The following FEZ2 variants were observed in gnomAD, a reference collection of about 807,000 sequenced individuals.
The protein encoded by FEZ2 is fasciculation and elongation protein zeta 2, also known as fasciculation and elongation protein zeta-2.
A neutral mutation model predicts 40.4 loss-of-function variants in FEZ2; 51 were observed. The ratio of observed to expected loss-of-function variants is 1.26; its 90% CI spans 1.01 to 1.59. The LOEUF (loss-of-function observed/expected upper bound fraction) is 1.59, where lower values mean the gene tolerates loss of function less well. FEZ2 is among the 40% of genes most tolerant of loss of function. FEZ2 has a pLI of 0.00. For missense variants in FEZ2, 640 were observed against 438.3 expected, an observed-to-expected ratio of 1.46 and a Z score of -4.11; for synonymous variants, 242 against 172.0, an observed-to-expected ratio of 1.41 and a Z score of -3.18.
intron 7 of FEZ2, 29 bp downstream of exon 7, chr2:36,555,654 C>T: frequency 7.3e-7 from 1 of 1,375,846 alleles, no homozygotes; most frequent in Non-Finnish European, 1.0e-6. Context: ...ACCTCCCAGC[C>T]ATCGCACCTA....
At chr2:36,573,159 T>A (rs2125230191) in intron 5 of FEZ2, among the ~76,000 whole-genome samples, 1 of 152,286 alleles carries the variant, frequency 6.6e-6, no homozygotes, top group Non-Finnish European at 1.5e-5. Context: ...CAGAAAAGAC[T>A]ATCGATTCCT....
intron 7 of FEZ2, among the ~76,000 whole-genome samples, chr2:36,553,582 G>C (rs887123961): frequency 2.0e-5 from 3 of 152,168 alleles, no homozygotes; most frequent in Non-Finnish European, 4.4e-5. Context: ...TTCAGAATCA[G>C]CCTTGGGTAC....
Position 36,553,044 on chromosome 2 carries a change from A to T in FEZ2, c.*119T>A. 1 of 804,486 alleles carries T rather than the reference A, an allele frequency of 1.2e-6. No homozygotes were observed. The highest frequency in any genetic ancestry group is 2.1e-6 in the Non-Finnish European group (1 of 483,274). 49.8% of individuals were successfully genotyped at this position (804,486 alleles called of 1,614,324 possible). ...TGTAGTCAAGATCTGTTAATACTGA[A>T]TCAAACCCAAGTTCAAATGTGCTGA... On this transcript the variant is annotated 3_prime_UTR_variant, in exon 8 of 8. Coordinates refer to ENST00000405912, the MANE Select transcript of FEZ2 (RefSeq NM_005102.3).
chr2:36,576,164 C>T (rs577135919), intron 5 of FEZ2, among the ~76,000 whole-genome samples: 3 of 152,164 alleles, frequency 2.0e-5, no homozygotes, highest in African/African-American at 7.2e-5. Flanking sequence ...ATCCAACTGC[C>T]TATTTCACTT....
At chr2:36,565,032 T>A (rs1668197813) in intron 5 of FEZ2, among the ~76,000 whole-genome samples, 1 of 152,210 alleles carries the variant, frequency 6.6e-6, no homozygotes, top group Admixed American at 6.5e-5. Flanking sequence ...AAGATTTACA[T>A]ACCTCCCTTT....
intron 3 of FEZ2, 140 bp from the exon 4 acceptor site, chr2:36,581,571 C>G: frequency 1.5e-6 from 1 of 671,504 alleles, no homozygotes. Flanking sequence ...TGTGGATGCT[C>G]CAAATAATCA....
At chr2:36,579,992 G>A (rs998388630) in intron 4 of FEZ2, among the ~76,000 whole-genome samples, 1 of 152,124 alleles carries the variant, frequency 6.6e-6, no homozygotes, top group Admixed American at 6.5e-5. Flanking sequence ...GGACACAGTA[G>A]GAAGACCACG....
rs994114672 is a variant in FEZ2 at position 36,555,967 on chromosome 2, T to A, written c.980-219A>T. 8 of 663,042 alleles carry A rather than the reference T, an allele frequency of 1.2e-5. No homozygotes were observed. In the Admixed American group the frequency reaches 1.3e-4, roughly 10 times the overall value. 41.1% of individuals were successfully genotyped at this position (663,042 alleles called of 1,614,324 possible). A position where few individuals can be genotyped will look rare whatever the true frequency, so the allele number is the denominator to read the frequency against. On this transcript the variant is annotated intron_variant, in intron 6 of 7. Coordinates refer to ENST00000405912, the MANE Select transcript of FEZ2 (RefSeq NM_005102.3). ...CAAGAATTTATTTTCGGTAAGAATA[T>A]CCCACTTACCTGAGAGTTGCTTCCC...
Position 36,553,158 on chromosome 2 carries a change from C to A in FEZ2, c.*5G>T. The A allele has an allele frequency of 1.9e-6, 3 of 1,566,354 alleles. No individual in the cohort carries two copies. The highest frequency in any genetic ancestry group is 2.6e-6 in the Non-Finnish European group (3 of 1,153,764). ...TTGGAGCCCACCGCAGATAAAGTTG[C>A]TGCTCTATGTAGGACACAGAACTAG... On this transcript the variant is annotated 3_prime_UTR_variant, in exon 8 of 8. Transcript: ENST00000405912.
intron 2 of FEZ2, among the ~76,000 whole-genome samples, chr2:36,583,732 G>T (rs848618): frequency 0.081 from 12,399 of 152,152 alleles, 1,071 homozygotes; most frequent in East Asian, 0.22. Context: ...AAAAAAATAC[G>T]GTATTCATTA....
intron 5 of FEZ2, among the ~76,000 whole-genome samples, chr2:36,560,448 A>G (rs529224816): frequency 6.6e-6 from 1 of 152,326 alleles, no homozygotes; most frequent in African/African-American, 2.4e-5. Flanking sequence ...AGAGTCACAT[A>G]TTTTAGTTTA....
intron 4 of FEZ2, among the ~76,000 whole-genome samples, chr2:36,579,281 A>C (rs1489000809): frequency 6.6e-6 from 1 of 152,262 alleles, no homozygotes; most frequent in Non-Finnish European, 1.5e-5. Flanking sequence ...GATATCTCTG[A>C]ACAGGAAAGG....
intron 1 of FEZ2, 83 bp downstream of exon 1, chr2:36,597,794 G>C (rs1266244285): frequency 9.8e-6 from 10 of 1,022,398 alleles, no homozygotes; most frequent in Non-Finnish European, 1.1e-5. Context: ...AGGGCGCAGG[G>C]AGGAGCTGCG....
chr2:36,593,201 G>A (rs1044596210), intron 1 of FEZ2, among the ~76,000 whole-genome samples: 7 of 152,204 alleles, frequency 4.6e-5, no homozygotes, highest in African/African-American at 1.7e-4. Context: ...TCAGAATCAT[G>A]GTGGGAGACA....
intron 2 of FEZ2, among the ~76,000 whole-genome samples, chr2:36,587,121 A>G (rs958088064): frequency 7.2e-5 from 11 of 152,262 alleles, no homozygotes; most frequent in Non-Finnish European, 1.5e-4. Flanking sequence ...ATTCTATCAT[A>G]TAAGTATATT....
Position 36,552,986 on chromosome 2 carries a change from T to C in FEZ2, c.*177A>G. The stretch of plus-strand genomic sequence containing the variant: ...TCTCTAGAATTCAAAATAGTGCCCA[T>C]ATTTCCGTTGGTTCTATAATATAAA... On this transcript the variant is annotated 3_prime_UTR_variant, in exon 8 of 8. Transcript: ENST00000405912. 1 of 541,962 alleles carries C rather than the reference T, an allele frequency of 1.8e-6. No homozygotes were observed. Among genetic ancestry groups the C allele is most frequent in the Non-Finnish European group, 3.3e-6 (1 of 298,800 alleles). The allele number at this position is 541,962 out of a possible 1,614,324, so 33.6% of individuals were successfully genotyped here.
In FEZ2 at chr2:36,593,791, T is replaced by C. The variant is rs182962178; in HGVS notation, c.267-2780A>G. ...GTCGTGGGGATTAACATTAGGGTCCTTGCTACTTACGCAAATTTCTGCAGC... is the reference window on the plus strand; with the variant it reads ...GTCGTGGGGATTAACATTAGGGTCCCTGCTACTTACGCAAATTTCTGCAGC... On this transcript the variant is annotated intron_variant, in intron 1 of 7. Transcript: ENST00000405912. 2.0e-5 allele frequency among the ~76,000 whole-genome samples: 3 copies of C among 152,058 alleles called. No homozygotes were observed. The East Asian group carries it at 5.9e-4, about 30-fold the overall frequency.
intron 5 of FEZ2, among the ~76,000 whole-genome samples, chr2:36,560,503 TAA>T (rs1445862179): frequency 6.6e-6 from 1 of 152,220 alleles, no homozygotes; most frequent in Non-Finnish European, 1.5e-5. Context: ...TACATTATGT[TAA>T]AATGTTAATA....
chr2:36,579,209 C>A, intron 4 of FEZ2: 1 of 201,186 alleles, frequency 5.0e-6, no homozygotes, highest in Non-Finnish European at 9.8e-6. Flanking sequence ...ACACAAAAGT[C>A]GAGGGAAAGT....
Sources: gnomAD v4.1 joint callset for allele counts (sites outside exome capture counted in the v4.1 genomes callset) on GRCh38, gnomAD v4.1.1 for gene constraint, MANE v1.5 for transcripts, NCBI Gene and HGNC (gene_info 2026-07-23, HGNC 2026-07-21) for gene names.